The following ASF1B variants were observed in gnomAD, a reference collection of about 807,000 sequenced individuals.
The protein encoded by ASF1B is anti-silencing function 1B histone chaperone.
Under a neutral mutation model 16.6 loss-of-function variants are expected in ASF1B, and 10 were observed. The ratio of observed to expected loss-of-function variants is 0.60; its 90% confidence interval spans 0.37 to 1.02. The LOEUF (loss-of-function observed/expected upper bound fraction) is 1.02. Among genes scored for constraint, ASF1B ranks in the 50% least tolerant of loss-of-function variants. The pLI, the probability that ASF1B is intolerant of heterozygous loss-of-function variation, is 0.01. For missense variants in ASF1B, 240 were observed against 266.0 expected, an observed-to-expected ratio of 0.90 and a Z score of 0.68; for synonymous variants, 101 against 106.2, an observed-to-expected ratio of 0.95 and a Z score of 0.30.
At chr19:14,133,854 A>AGT (rs910488644) in intron 1 of ASF1B, among the ~76,000 whole-genome samples, 1 of 112,858 alleles carries the variant, frequency 8.9e-6, no homozygotes, top group African/African-American at 3.5e-5. Flanking sequence ...CCCAGGCTGG[A>AGT]GTGCAGTGGC....
Position 14,129,205 on chromosome 19 carries a change from G to C in ASF1B, c.110-2968C>G, listed in dbSNP as rs911229028. Among the ~76,000 whole-genome samples the C allele has an allele frequency of 2.6e-5, 4 of 152,196 alleles. No individual in the cohort carries two copies. The South Asian group carries it at 8.3e-4, about 32-fold the overall frequency. On this transcript the variant is annotated intron_variant, in intron 1 of 3. Coordinates refer to ENST00000263382, the MANE Select transcript of ASF1B (RefSeq NM_018154.3). ...GGAGTTCAGGGCTGCAGTGAGCCAT[G>C]ATCGAGCCACTGCATTCCAGCCTGG...
At chr19:14,136,248 G>A (rs969120754) in intron 1 of ASF1B, 100 bp downstream of exon 1, 5 of 930,062 alleles carry the variant, frequency 5.4e-6, no homozygotes, top group African/African-American at 5.0e-5. Flanking sequence ...GGGGGACGAG[G>A]GGTTTCATGG....
intron 1 of ASF1B, among the ~76,000 whole-genome samples, chr19:14,132,237 C>T (rs1332004107): frequency 6.6e-6 from 1 of 152,046 alleles, no homozygotes; most frequent in South Asian, 2.1e-4. Flanking sequence ...CTATGTTACC[C>T]AGGCTGGCCC....
At chr19:14,131,384 C>T (rs184050277) in intron 1 of ASF1B, among the ~76,000 whole-genome samples, 52 of 151,326 alleles carry the variant, frequency 3.4e-4, no homozygotes, top group Admixed American at 9.9e-4. Context: ...GGTTTCACCA[C>T]GTCGGTTAGG....
chr19:14,135,179 G>A (rs4926180), intron 1 of ASF1B, among the ~76,000 whole-genome samples: 14,368 of 147,796 alleles, frequency 0.097, 886 homozygotes, highest in Admixed American at 0.17. Flanking sequence ...AGCCGAGATC[G>A]TGCCATTGCA....
chr19:14,136,480 C>T lies in ASF1B; in HGVS notation c.-24G>A. 4 of 1,606,080 alleles carry T rather than the reference C, an allele frequency of 2.5e-6. No homozygotes were observed. Among genetic ancestry groups the T allele is most frequent in the African/African-American group, 1.3e-5 (1 of 74,830 alleles). On this transcript the variant is annotated 5_prime_UTR_variant, in exon 1 of 4. Transcript: ENST00000263382. ...ATCGCCTCGCCTCGCCGCGCCGCAG[C>T]AGGGGCAGGGGCTGTGGCTGTGGCG...
chr19:14,121,722 A>G lies in ASF1B; in HGVS notation c.226-14T>C, dbSNP rs557606229. 2 of 1,607,682 alleles carry G rather than the reference A, an allele frequency of 1.2e-6. No individual in the cohort carries two copies. Among genetic ancestry groups the G allele is most frequent in the East Asian group, 4.5e-5 (2 of 44,766 alleles). ...GGGGGCGTCGGCCTAGGGGAGACAC[A>G]TCCTAGGCCTTAGCAGTGCCACAGC... On this transcript the variant is annotated splice_polypyrimidine_tract_variant and intron_variant, in intron 2 of 3. Coordinates refer to ENST00000263382, the MANE Select transcript of ASF1B (RefSeq NM_018154.3).
rs1481144803 is a variant in ASF1B at position 14,120,140 on chromosome 19, TG to T, written c.*318del. The T allele has an allele frequency of 2.6e-5, 7 of 269,796 alleles. No individual in the cohort carries two copies. The highest frequency in any genetic ancestry group is 5.7e-5 in the Admixed American group (1 of 17,668). The allele number at this position is 269,796 out of a possible 1,614,324, so 16.7% of individuals were successfully genotyped here. On this transcript the variant is annotated 3_prime_UTR_variant, in exon 4 of 4. Coordinates refer to ENST00000263382, the MANE Select transcript of ASF1B (RefSeq NM_018154.3). ...CCTCTAGGTGGGCCAGGGAGGTCTG[TG>T]GGAAAGCTTTGGATCAATGGTACTC...
At chr19:14,132,545 C>G (rs937540156) in intron 1 of ASF1B, among the ~76,000 whole-genome samples, 1 of 152,144 alleles carries the variant, frequency 6.6e-6, no homozygotes, top group Non-Finnish European at 1.5e-5. Flanking sequence ...TCTGGCCAGG[C>G]GCTTAGGATT....
chr19:14,129,825 TTG>T (rs1967374337), intron 1 of ASF1B, among the ~76,000 whole-genome samples: 1 of 150,356 alleles, frequency 6.7e-6, no homozygotes, highest in Non-Finnish European at 1.5e-5. Flanking sequence ...GGCGGGTGGA[TTG>T]CTTGAGCTCA....
Position 14,136,545 on chromosome 19 carries a change from C to G in ASF1B, c.-89G>C, listed in dbSNP as rs1440643787. 3.7e-6 allele frequency: 4 copies of G among 1,068,936 alleles called. No homozygotes were observed. In the East Asian group the frequency reaches 7.8e-5, roughly 21 times the overall value. 66.2% of individuals were successfully genotyped at this position (1,068,936 alleles called of 1,614,324 possible). A position where few individuals can be genotyped will look rare whatever the true frequency, so the allele number is the denominator to read the frequency against. Reference sequence around the variant, plus strand: ...GTCCGGTGGGGTCAGTGGGGTAGGGCTGACCAGGTCCACTCCCGCCTCTTC... The same window carrying G: ...GTCCGGTGGGGTCAGTGGGGTAGGGGTGACCAGGTCCACTCCCGCCTCTTC... On this transcript the variant is annotated 5_prime_UTR_variant, in exon 1 of 4. Coordinates refer to ENST00000263382, the MANE Select transcript of ASF1B (RefSeq NM_018154.3).
At chr19:14,123,359 C>T (rs537815001) in intron 2 of ASF1B, among the ~76,000 whole-genome samples, 1 of 151,060 alleles carries the variant, frequency 6.6e-6, no homozygotes, top group Admixed American at 6.6e-5. Context: ...TCAGAATCTC[C>T]ATTTGTTTTT....
At position 14,134,748 on chromosome 19, in the gene ASF1B, A is replaced by G. The variant is rs146998187; in HGVS notation, c.109+1600T>C. 4.5e-3 allele frequency among the ~76,000 whole-genome samples: 690 copies of G among 152,240 alleles called. 2 individuals are homozygous for G. Among genetic ancestry groups the G allele is most frequent in the Non-Finnish European group, 7.8e-3 (532 of 68,014 alleles). ...GCCCACCTTTAAGTCACACAGATTAATAAGTACATCTACGGAAGCACCTTG... is the reference window on the plus strand; with the variant it reads ...GCCCACCTTTAAGTCACACAGATTAGTAAGTACATCTACGGAAGCACCTTG... On this transcript the variant is annotated intron_variant, in intron 1 of 3. Coordinates refer to ENST00000263382, the MANE Select transcript of ASF1B (RefSeq NM_018154.3).
intron 1 of ASF1B, among the ~76,000 whole-genome samples, chr19:14,128,902 G>C (rs1034669870): frequency 1.3e-5 from 2 of 152,134 alleles, no homozygotes; most frequent in Non-Finnish European, 2.9e-5. Context: ...TCTCATAGCC[G>C]GTAGAATCCT....
At chr19:14,123,670 G>A (rs963911453) in intron 2 of ASF1B, among the ~76,000 whole-genome samples, 2 of 151,758 alleles carry the variant, frequency 1.3e-5, no homozygotes, top group Admixed American at 6.6e-5. Flanking sequence ...GTGAGCCACT[G>A]CACCGGCCTT....
intron 1 of ASF1B, among the ~76,000 whole-genome samples, chr19:14,133,523 C>G (rs1381948521): frequency 2.6e-5 from 4 of 151,938 alleles, no homozygotes; most frequent in Non-Finnish European, 5.9e-5. Context: ...CAAAAATTAG[C>G]CAGGCGTCAT....
rs577237560 is a variant in ASF1B, at chr19:14,120,351, C to T, written c.*108G>A. The T allele has an allele frequency of 4.5e-4, 498 of 1,114,000 alleles. 3 individuals are homozygous for T. The South Asian group carries it at 6.7e-3, about 15-fold the overall frequency. The allele number at this position is 1,114,000 out of a possible 1,614,324, so 69.0% of individuals were successfully genotyped here. On this transcript the variant is annotated 3_prime_UTR_variant, in exon 4 of 4. Transcript: ENST00000263382. ...TTCCTAGGGGCTGAGTTTGACAGACCTGGATTGCAGCTGATGGCCCCCAAA... is the reference window on the plus strand; with the variant it reads ...TTCCTAGGGGCTGAGTTTGACAGACTTGGATTGCAGCTGATGGCCCCCAAA...
chr19:14,128,944 G>A (rs990708139), intron 1 of ASF1B, among the ~76,000 whole-genome samples: 2 of 152,170 alleles, frequency 1.3e-5, no homozygotes, highest in Non-Finnish European at 2.9e-5. Context: ...GTCCTGGGAA[G>A]GTAGACAAAA....
Position 14,120,600 on chromosome 19 carries a change from G to A in ASF1B, c.468C>T (p.Asn156=). The stretch of plus-strand genomic sequence containing the variant: ...TCTCTATGGCCTCCAGCCTGTCCAT[G>A]TTGTTGTCCCAGTTGATATGGAAGC... The part of the protein sequence containing the change: ...VTRFHINWDN[N]MDRLEAIETQ... The change falls in exon 4 of 4, where the codon AAC becomes AAT. Residue 156 remains asparagine (N), a synonymous_variant. Transcript: ENST00000263382. 6.2e-7 allele frequency: 1 copy of A among 1,614,136 alleles called. No homozygotes were observed. Among genetic ancestry groups the A allele is most frequent in the Non-Finnish European group, 8.5e-7 (1 of 1,180,008 alleles).
Sources: gnomAD v4.1 joint callset for allele counts (sites outside exome capture counted in the v4.1 genomes callset) on GRCh38, gnomAD v4.1.1 for gene constraint, MANE v1.5 for transcripts, NCBI Gene and HGNC (gene_info 2026-07-23, HGNC 2026-07-21) for gene names.